The following SMAD9 variants were observed in gnomAD, a reference collection of about 807,000 sequenced individuals.
SMAD9 encodes MAD homolog 9.
In SMAD9, 36 loss-of-function variants were observed where a neutral mutation model predicts 46.1. That is an observed-to-expected ratio of 0.78 (90% CI 0.60 to 1.03). The LOEUF is 1.03. Ranked by LOEUF, SMAD9 falls within the 50% of genes least tolerant of loss-of-function variation. The pLI, the probability that SMAD9 is intolerant of heterozygous loss-of-function variation, is 0.00. For synonymous variants in SMAD9, 245 were observed against 237.1 expected (o/e 1.03, Z -0.31); for missense variants, 572 against 599.8 (o/e 0.95, Z 0.48).
intron 2 of SMAD9, among the ~76,000 whole-genome samples, chr13:36,875,034 T>C (rs2058333469): frequency 6.6e-6 from 1 of 151,920 alleles, no homozygotes; most frequent in South Asian, 2.1e-4. Flanking sequence ...GTCATAATTC[T>C]TAGTAATAAT....
Position 36,879,678 on chromosome 13 carries a change from G to C in SMAD9, c.12C>G (p.Thr4=). Residue 4 remains threonine (T), a synonymous_variant, in exon 2 of 7, where the codon ACC becomes ACG. Coordinates refer to ENST00000379826, the MANE Select transcript of SMAD9 (RefSeq NM_001127217.3). MHS[T]TPISSLFSFT... ...AGGAGAAGAGGGAGCTGATGGGGGT[G>C]GTGGAGTGCATAAGAGGCCACAGCA... is the stretch of plus-strand genomic sequence containing the variant. 1 of 1,614,132 alleles carries C rather than the reference G, an allele frequency of 6.2e-7. No homozygotes were observed. The highest frequency in any genetic ancestry group is 8.5e-7 in the Non-Finnish European group (1 of 1,180,028).
intron 6 of SMAD9, among the ~76,000 whole-genome samples, 166 bp from the exon 7 acceptor site, chr13:36,848,985 C>T (rs1300393523): frequency 1.3e-5 from 2 of 152,214 alleles, no homozygotes; most frequent in African/African-American, 4.8e-5. Flanking sequence ...GGTCAACTCT[C>T]ACACCAACCA....
At chr13:36,856,663 G>A (rs539542623) in intron 5 of SMAD9, among the ~76,000 whole-genome samples, 9 of 152,310 alleles carry the variant, frequency 5.9e-5, no homozygotes, top group East Asian at 1.9e-4. Context: ...AGCTTTAAAC[G>A]CCAGTGTCAG....
chr13:36,860,394 T>C (rs1326170025), intron 5 of SMAD9, among the ~76,000 whole-genome samples: 1 of 151,662 alleles, frequency 6.6e-6, no homozygotes, highest in Non-Finnish European at 1.5e-5. Context: ...GAAAGTTCAA[T>C]AACCAGGGTT....
intron 1 of SMAD9, among the ~76,000 whole-genome samples, chr13:36,888,008 G>A (rs993638135): frequency 4.6e-5 from 7 of 152,132 alleles, no homozygotes; most frequent in South Asian, 2.1e-4. Flanking sequence ...ACAGGGGCCC[G>A]TCTGCCAGAA....
intron 1 of SMAD9, among the ~76,000 whole-genome samples, chr13:36,885,490 A>C (rs1021440054): frequency 2.0e-5 from 3 of 152,200 alleles, no homozygotes; most frequent in Admixed American, 6.5e-5. Flanking sequence ...CTGTATTATA[A>C]GACATAATCA....
chr13:36,912,408 C>T (rs190881108), intron 1 of SMAD9, among the ~76,000 whole-genome samples: 68 of 152,236 alleles, frequency 4.5e-4, no homozygotes, highest in African/African-American at 8.4e-4. Flanking sequence ...CAAGATAAGA[C>T]ATGGTCCCTT....
intron 1 of SMAD9, among the ~76,000 whole-genome samples, chr13:36,899,441 T>C (rs1373028796): frequency 6.6e-6 from 1 of 152,182 alleles, no homozygotes; most frequent in Non-Finnish European, 1.5e-5. Flanking sequence ...TGAAAAAGTA[T>C]GTAGAATATG....
intron 1 of SMAD9, among the ~76,000 whole-genome samples, chr13:36,916,885 G>C (rs2058702366): frequency 6.6e-6 from 1 of 151,476 alleles, no homozygotes. Context: ...GGGAAGCTGG[G>C]AAGGCCTCAG....
At chr13:36,914,545 A>C (rs967129851) in intron 1 of SMAD9, among the ~76,000 whole-genome samples, 2 of 152,028 alleles carry the variant, frequency 1.3e-5, no homozygotes, top group East Asian at 1.9e-4. Context: ...ACAAAAAAAA[A>C]CTTACTCTTC....
At chr13:36,892,014 A>C (rs2058492341) in intron 1 of SMAD9, among the ~76,000 whole-genome samples, 1 of 152,244 alleles carries the variant, frequency 6.6e-6, no homozygotes, top group South Asian at 2.1e-4. Flanking sequence ...GTACCTTCTC[A>C]AGCCAGAAAA....
At chr13:36,908,022 A>G (rs9576135) in intron 1 of SMAD9, among the ~76,000 whole-genome samples, 76,670 of 152,034 alleles carry the variant, frequency 0.5, 19,896 homozygotes, top group African/African-American at 0.62. Context: ...TGAGATCCCC[A>G]GCAGGCTGCC....
rs781272404 is a variant in SMAD9 at position 36,920,181 on chromosome 13, TGCAGCA to T, written c.-258_-253del. ...CGGCGGCGGGGACCGAGACAGCGGC[TGCAGCA>T]GCGGCGGCGGCGGCGGCGGCGGCGG... On this transcript the variant is annotated 5_prime_UTR_variant, in exon 1 of 7. Coordinates refer to ENST00000379826, the MANE Select transcript of SMAD9 (RefSeq NM_001127217.3). The T allele has an allele frequency of 1.8e-4, 22 of 120,892 alleles. No homozygotes were observed. Among genetic ancestry groups the T allele is most frequent in the African/African-American group, 6.0e-4 (18 of 29,788 alleles). The allele number at this position is 120,892 out of a possible 1,614,324, so 7.5% of individuals were successfully genotyped here.
chr13:36,894,002 A>G (rs1424775573), intron 1 of SMAD9, among the ~76,000 whole-genome samples: 10 of 152,204 alleles, frequency 6.6e-5, no homozygotes, highest in Admixed American at 6.5e-4. Context: ...TTTATATAAC[A>G]TGGTCCCTGC....
intron 6 of SMAD9, chr13:36,851,750 A>G (rs1424714032): frequency 2.1e-6 from 2 of 970,994 alleles, no homozygotes; most frequent in Admixed American, 1.2e-4. Context: ...ATCTATAGTT[A>G]TATTTACTAT....
intron 5 of SMAD9, among the ~76,000 whole-genome samples, chr13:36,861,124 G>C (rs576160337): frequency 1.3e-5 from 2 of 152,074 alleles, no homozygotes; most frequent in Non-Finnish European, 2.9e-5. Context: ...GGGTAAATGA[G>C]GACCCATCAT....
Position 36,890,802 on chromosome 13 carries a change from CA to C in SMAD9, c.-186-10928del, listed in dbSNP as rs1221453841. On this transcript the variant is annotated intron_variant, in intron 1 of 6. Coordinates refer to ENST00000379826, the MANE Select transcript of SMAD9 (RefSeq NM_001127217.3). Reference sequence around the variant, plus strand: ...CCCTCTCTCCCTTTCTCTCACCCCCCACTCTCCCCTCTCCACACCCCCATGA... The same window carrying C: ...CCCTCTCTCCCTTTCTCTCACCCCCCCTCTCCCCTCTCCACACCCCCATGA... 3.9e-5 allele frequency among the ~76,000 whole-genome samples: 6 copies of C among 152,050 alleles called. No homozygotes were observed. The East Asian group carries it at 1.2e-3, about 30-fold the overall frequency.
At chr13:36,908,400 T>C (rs2058635214) in intron 1 of SMAD9, among the ~76,000 whole-genome samples, 1 of 152,188 alleles carries the variant, frequency 6.6e-6, no homozygotes, top group Non-Finnish European at 1.5e-5. Context: ...AAGACAGAAA[T>C]ACAAATTTCT....
chr13:36,861,340 A>G (rs1031717205), intron 5 of SMAD9, among the ~76,000 whole-genome samples: 10 of 151,676 alleles, frequency 6.6e-5, no homozygotes, highest in Non-Finnish European at 1.5e-4. Context: ...TTTGAGATGG[A>G]GCCTTGCACT....
Sources: gnomAD v4.1 joint callset for allele counts (sites outside exome capture counted in the v4.1 genomes callset) on GRCh38, gnomAD v4.1.1 for gene constraint, MANE v1.5 for transcripts, NCBI Gene and HGNC (gene_info 2026-07-23, HGNC 2026-07-21) for gene names.